CCDC34: variants seen among roughly 807,000 people sequenced by gnomAD.
The protein encoded by CCDC34 is coiled-coil domain containing 34.
Under a neutral mutation model 44.1 loss-of-function variants are expected in CCDC34, and 40 were observed. That is an observed-to-expected ratio of 0.91 (90% confidence interval 0.70 to 1.18). The LOEUF is 1.18. Ranked by LOEUF, CCDC34 falls within the 50% of genes most tolerant of loss-of-function variation. CCDC34 has a pLI of 0.00. For missense variants in CCDC34, 466 were observed against 452.3 expected, an observed-to-expected ratio of 1.03 and a Z score of -0.28; for synonymous variants, 159 against 158.2, an observed-to-expected ratio of 1.01 and a Z score of -0.04.
chr11:27,357,927 C>G (rs1052848302), intron 1 of CCDC34, among the ~76,000 whole-genome samples: 8 of 152,192 alleles, frequency 5.3e-5, no homozygotes, highest in Admixed American at 5.2e-4. Flanking sequence ...TCTTCCCTTT[C>G]CCGCCCTTAA....
chr11:27,360,535 C>T (rs146044557), intron 1 of CCDC34, among the ~76,000 whole-genome samples: 66 of 152,278 alleles, frequency 4.3e-4, no homozygotes, highest in African/African-American at 1.5e-3. Flanking sequence ...CTCTAGGTTG[C>T]TCTCTGCTTC....
At chr11:27,339,127 C>G in intron 5 of CCDC34, 92 bp from the exon 6 acceptor site, 1 of 857,592 alleles carries the variant, frequency 1.2e-6, no homozygotes. Context: ...GTTAAAATGT[C>G]AAATGGACAA....
At chr11:27,349,814 G>A in intron 3 of CCDC34, 4 of 958,522 alleles carry the variant, frequency 4.2e-6, no homozygotes, top group Non-Finnish European at 5.0e-6. Flanking sequence ...CCCTTATGTA[G>A]CTTACAATCC....
At chr11:27,360,573 T>C (rs568242716) in intron 1 of CCDC34, among the ~76,000 whole-genome samples, 1 of 147,264 alleles carries the variant, frequency 6.8e-6, no homozygotes, top group South Asian at 2.3e-4. Flanking sequence ...CCCAGAACAA[T>C]GAAAGGGCTG....
intron 2 of CCDC34, among the ~76,000 whole-genome samples, chr11:27,355,643 C>T (rs555195230): frequency 1.7e-4 from 26 of 152,166 alleles, no homozygotes; most frequent in Admixed American, 1.0e-3. Context: ...CTTAAGCAGA[C>T]GAGAAAATAG....
In CCDC34 at chr11:27,340,778, C is replaced by T; in HGVS notation, c.825G>A (p.Lys275=). The T allele has an allele frequency of 6.2e-7, 1 of 1,613,560 alleles. No homozygotes were observed. Among genetic ancestry groups the T allele is most frequent in the East Asian group, 2.2e-5 (1 of 44,802 alleles). The change falls in exon 5 of 6, where the codon AAG becomes AAA. Residue 275 remains lysine, a synonymous_variant. Transcript: ENST00000328697. ...TCGCATTTTCCAACCATTCTTGAAA[C>T]TTTTTTTCTGCTATTTCCTTTTTCT... ...IQEKKEIAEK[K]FQEWLENAKH... is the part of the protein sequence containing the mutation.
At position 27,362,976 on chromosome 11, in the gene CCDC34, C is replaced by G. The variant is rs762534420; in HGVS notation, c.219G>C (p.Gln73His). 6.2e-7 allele frequency: 1 copy of G among 1,614,172 alleles called. No individual in the cohort carries two copies. The highest frequency in any genetic ancestry group is 1.3e-5 in the African/African-American group (1 of 75,036). ...TRSLLSPLGH[Q>H]SFQFDEDDGD... Reference sequence around the variant, plus strand: ...CGTCGTCCTCGTCAAACTGGAAGCTCTGGTGGCCAAGGGGAGACAACAGCG... The same window carrying G: ...CGTCGTCCTCGTCAAACTGGAAGCTGTGGTGGCCAAGGGGAGACAACAGCG... Residue 73 changes from glutamine (Q) to histidine (H), a missense_variant, in exon 1 of 6, where the codon CAG becomes CAC. Physicochemically the swap from Gln to His is conservative, Grantham distance 24. Coordinates refer to ENST00000328697, the MANE Select transcript of CCDC34 (RefSeq NM_030771.2).
rs1833413210 is a variant in CCDC34 at position 27,363,180 on chromosome 11, C to T, written c.15G>A (p.Gly5=). The T allele has an allele frequency of 3.4e-6, 5 of 1,485,730 alleles. No homozygotes were observed. The highest frequency in any genetic ancestry group is 2.4e-5 in the East Asian group (1 of 42,512). 92.0% of individuals were successfully genotyped at this position (1,485,730 alleles called of 1,614,324 possible). A position where few individuals can be genotyped will look rare whatever the true frequency, so the allele number is the denominator to read the frequency against. The change falls in exon 1 of 6, where the codon GGG becomes GGA. Residue 5 remains glycine, a synonymous_variant. Coordinates refer to ENST00000328697, the MANE Select transcript of CCDC34 (RefSeq NM_030771.2). ...AAGAGGGAAAAGTAGGCCCCCAGCG[C>T]CCCGCCGCCCACATCTGGCCCGCCA... MWAA[G]RWGPTFPSSY... is the part of the protein sequence containing the mutation.
chr11:27,357,378 T>A, intron 2 of CCDC34, 25 bp downstream of exon 2: 1 of 1,594,652 alleles, frequency 6.3e-7, no homozygotes, highest in Non-Finnish European at 8.5e-7. Context: ...ACAGATTAAA[T>A]AAAAAGAACA....
In CCDC34 at chr11:27,341,481, C is replaced by A; in HGVS notation, c.676G>T (p.Glu226Ter). ...TCTTTTGCTTTTTCTTGCAAGTATT[C>A]TTTCTCCAGTTCCTTTGCTGCTTTT... ...EEKAAKELEKEYLQEKAKEKY... is the reference protein window; with the variant it reads ...EEKAAKELEK The change falls in exon 4 of 6, where the codon GAA becomes TAA. Residue 226 changes from glutamate to a stop codon, truncating the protein, a stop_gained. Coordinates refer to ENST00000328697, the MANE Select transcript of CCDC34 (RefSeq NM_030771.2). LOFTEE classifies it high-confidence loss of function. 7.0e-7 allele frequency: 1 copy of A among 1,437,972 alleles called. No individual in the cohort carries two copies. Among genetic ancestry groups the A allele is most frequent in the African/African-American group, 1.4e-5 (1 of 69,980 alleles). The allele number at this position is 1,437,972 out of a possible 1,614,324, so 89.1% of individuals were successfully genotyped here.
Position 27,341,460 on chromosome 11 carries a change from T to C in CCDC34, c.697A>G (p.Lys233Glu). 1 of 1,458,026 alleles carries C rather than the reference T, an allele frequency of 6.9e-7. No homozygotes were observed. The highest frequency in any genetic ancestry group is 9.3e-7 in the Non-Finnish European group (1 of 1,076,024). The allele number at this position is 1,458,026 out of a possible 1,614,324, so 90.3% of individuals were successfully genotyped here. A position where few individuals can be genotyped will look rare whatever the true frequency, so the allele number is the denominator to read the frequency against. The change falls in exon 4 of 6, where the codon AAA (lysine) becomes GAA (glutamate). Residue 233 changes from lysine (K) to glutamate (E), a missense_variant. Transcript: ENST00000328697. ...LEKEYLQEKAKEKYQEWLKKK... is the reference protein window; with the variant it reads ...LEKEYLQEKAEEKYQEWLKKK... ...TTTAACCATTCTTGATATTTTTCTT[T>C]TGCTTTTTCTTGCAAGTATTCTTTC...
intron 3 of CCDC34, among the ~76,000 whole-genome samples, chr11:27,345,426 C>A (rs1001962580): frequency 4.6e-5 from 7 of 152,114 alleles, no homozygotes; most frequent in African/African-American, 1.4e-4. Flanking sequence ...CTAATGCTAT[C>A]CCTCACCACT....
intron 2 of CCDC34, among the ~76,000 whole-genome samples, chr11:27,352,173 A>C (rs1182168204): frequency 6.6e-6 from 1 of 152,174 alleles, no homozygotes; most frequent in Non-Finnish European, 1.5e-5. Context: ...ACTTGAGGTC[A>C]AGGGTTCGAG....
chr11:27,342,151 T>C (rs1034315554), intron 3 of CCDC34, among the ~76,000 whole-genome samples: 7 of 152,020 alleles, frequency 4.6e-5, no homozygotes, highest in African/African-American at 1.7e-4. Context: ...TATGTCTTTA[T>C]TAGCAGCATG....
At chr11:27,345,010 ATAGAC>A (rs1174602561) in intron 3 of CCDC34, among the ~76,000 whole-genome samples, 2 of 152,206 alleles carry the variant, frequency 1.3e-5, no homozygotes, top group African/African-American at 4.8e-5. Flanking sequence ...AATCAATAGA[ATAGAC>A]TAGAATCCAG....
chr11:27,342,377 G>C (rs898677426), intron 3 of CCDC34, among the ~76,000 whole-genome samples: 4 of 144,498 alleles, frequency 2.8e-5, no homozygotes, highest in African/African-American at 1.0e-4. Flanking sequence ...AAATATATAT[G>C]TATATATATT....
chr11:27,354,612 C>G (rs937566655), intron 2 of CCDC34, among the ~76,000 whole-genome samples: 1 of 151,984 alleles, frequency 6.6e-6, no homozygotes, highest in Non-Finnish European at 1.5e-5. Context: ...ACACCTGTAA[C>G]CCCAGCACTT....
At chr11:27,348,455 C>T (rs534670505) in intron 3 of CCDC34, among the ~76,000 whole-genome samples, 12 of 152,254 alleles carry the variant, frequency 7.9e-5, no homozygotes, top group Admixed American at 2.0e-4. Flanking sequence ...TAAATTACCA[C>T]GGCAACACAA....
intron 1 of CCDC34, among the ~76,000 whole-genome samples, chr11:27,360,071 A>T (rs1253721945): frequency 6.6e-6 from 1 of 152,248 alleles, no homozygotes; most frequent in Non-Finnish European, 1.5e-5. Context: ...TTTGAATATT[A>T]AATTTCCTTC....
Sources: allele counts gnomAD v4.1 joint callset (sites outside exome capture counted in the v4.1 genomes callset), GRCh38; gene constraint gnomAD v4.1.1; transcripts MANE v1.5; gene names NCBI Gene and HGNC (gene_info 2026-07-23, HGNC 2026-07-21).